The following GLIS3 variants were observed in gnomAD, a reference collection of about 807,000 sequenced individuals.
The protein encoded by GLIS3 is zinc finger protein GLIS3.
In GLIS3, 53 loss-of-function variants were observed where a neutral mutation model predicts 78.6. That is an observed-to-expected ratio of 0.67 (90% CI 0.54 to 0.85). The LOEUF is 0.85. GLIS3 is among the 40% of genes least tolerant of loss of function. The pLI, the probability that GLIS3 is intolerant of heterozygous loss-of-function variation, is 0.00. For synonymous variants in GLIS3, 684 were observed against 509.9 expected, an observed-to-expected ratio of 1.34 and a Z score of -4.60; for missense variants, 1,703 against 1,231.1, an observed-to-expected ratio of 1.38 and a Z score of -5.74.
chr9:4,416,301 T>C, the GLIS3 span, among the ~76,000 whole-genome samples: 1 of 146,704 alleles, frequency 6.8e-6, no homozygotes, highest in East Asian at 2.0e-4. Flanking sequence ...GATCTTAATA[T>C]TCAATGGAAA....
At chr9:4,067,764 TA>T (rs1004283475) in intron 4 of GLIS3, among the ~76,000 whole-genome samples, 55 of 150,052 alleles carry the variant, frequency 3.7e-4, no homozygotes, top group Middle Eastern at 3.4e-3. Context: ...AACAAATTAA[TA>T]ATATCTCATT....
intron 2 of GLIS3, among the ~76,000 whole-genome samples, chr9:4,228,949 A>C (rs1822016789): frequency 6.6e-6 from 1 of 152,094 alleles, no homozygotes; most frequent in South Asian, 2.1e-4. Context: ...GACATTAACA[A>C]CTCCTACATA....
chr9:3,987,934 T>C (rs912740272), intron 4 of GLIS3, among the ~76,000 whole-genome samples: 1 of 151,960 alleles, frequency 6.6e-6, no homozygotes, highest in African/African-American at 2.4e-5. Flanking sequence ...AGAAAAACGA[T>C]ACATGAACAT....
the GLIS3 span, among the ~76,000 whole-genome samples, chr9:4,367,711 C>A: frequency 2.7e-5 from 4 of 149,568 alleles, no homozygotes; most frequent in South Asian, 8.6e-4. Flanking sequence ...TCCTTATCCA[C>A]ACCTAACACA....
intron 6 of GLIS3, among the ~76,000 whole-genome samples, chr9:3,927,029 A>C (rs1825304140): frequency 6.6e-6 from 1 of 152,186 alleles, no homozygotes; most frequent in Non-Finnish European, 1.5e-5. Context: ...CCCTCTGTTA[A>C]CATCCGTATC....
chr9:4,373,709 C>T, the GLIS3 span, among the ~76,000 whole-genome samples: 961 of 150,572 alleles, frequency 6.4e-3, 17 homozygotes, highest in African/African-American at 0.022. Context: ...GCTCTTGTCG[C>T]CCAGGCTGTA....
intron 4 of GLIS3, among the ~76,000 whole-genome samples, chr9:3,974,264 T>A (rs1394329527): frequency 2.0e-5 from 3 of 152,118 alleles, no homozygotes; most frequent in Non-Finnish European, 4.4e-5. Context: ...ATCAACAAAT[T>A]CAGTGAATAC....
chr9:4,200,026 C>T (rs146764282), intron 2 of GLIS3, among the ~76,000 whole-genome samples: 5,044 of 152,204 alleles, frequency 0.033, 140 homozygotes, highest in Middle Eastern at 0.095. Flanking sequence ...CACACAATTA[C>T]ATGGAAATTA....
intron 4 of GLIS3, among the ~76,000 whole-genome samples, chr9:4,036,208 G>A (rs1360797215): frequency 2.0e-5 from 3 of 152,126 alleles, no homozygotes; most frequent in African/African-American, 4.8e-5. Flanking sequence ...GATGCACTGC[G>A]TTTTACATTT....
intron 2 of GLIS3, among the ~76,000 whole-genome samples, chr9:4,267,145 A>C (rs1188900664): frequency 2.0e-5 from 3 of 152,220 alleles, no homozygotes; most frequent in African/African-American, 7.2e-5. Context: ...CCACCCCCAC[A>C]CACACCCATG....
At chr9:4,021,529 C>T (rs1052411333) in intron 4 of GLIS3, among the ~76,000 whole-genome samples, 1 of 152,088 alleles carries the variant, frequency 6.6e-6, no homozygotes, top group African/African-American at 2.4e-5. Context: ...AACTTCAAGG[C>T]TTGGGTAAAT....
rs138005189 is a variant in GLIS3 at position 4,198,476 on chromosome 9, T to A, written c.389-72535A>T. Among the ~76,000 whole-genome samples the A allele has an allele frequency of 2.4e-3, 365 of 152,110 alleles. 1 individual carries two copies. The highest frequency in any genetic ancestry group is 8.1e-3 in the African/African-American group (338 of 41,488). On this transcript the variant is annotated intron_variant, in intron 2 of 10. Coordinates refer to ENST00000381971, the MANE Select transcript of GLIS3 (RefSeq NM_001042413.2). ...AGGAATTTCAGAGCTTAAAAACCAG[T>A]CTTTCAAACTAACCCCATCACACAA...
chr9:3,935,963 T>C (rs532724893), intron 5 of GLIS3, among the ~76,000 whole-genome samples: 10 of 152,208 alleles, frequency 6.6e-5, no homozygotes, highest in Non-Finnish European at 1.3e-4. Flanking sequence ...ATGACTTCTA[T>C]GAATATGACT....
intron 2 of GLIS3, among the ~76,000 whole-genome samples, chr9:4,267,909 A>G (rs996470998): frequency 7.2e-5 from 11 of 152,124 alleles, no homozygotes; most frequent in Non-Finnish European, 1.0e-4. Flanking sequence ...CCAGACATCC[A>G]TCCACGGATA....
intron 2 of GLIS3, among the ~76,000 whole-genome samples, chr9:4,211,264 G>A (rs1172718157): frequency 6.6e-6 from 1 of 152,138 alleles, no homozygotes; most frequent in African/African-American, 2.4e-5. Flanking sequence ...TAAGTTCAAG[G>A]TCCACTTGGC....
At chr9:4,268,806 T>A (rs760786973) in intron 2 of GLIS3, among the ~76,000 whole-genome samples, 1 of 152,054 alleles carries the variant, frequency 6.6e-6, no homozygotes, top group African/African-American at 2.4e-5. Flanking sequence ...CTGGGCAGCA[T>A]CTCCTCAGCT....
chr9:4,182,473 G>T (rs1817416497), intron 2 of GLIS3, among the ~76,000 whole-genome samples: 1 of 152,078 alleles, frequency 6.6e-6, no homozygotes, highest in Admixed American at 6.5e-5. Flanking sequence ...ACACTGTCGG[G>T]GATATTTTAT....
At chr9:4,294,894 G>A (rs568856630) in intron 1 of GLIS3, among the ~76,000 whole-genome samples, 60 of 152,226 alleles carry the variant, frequency 3.9e-4, no homozygotes, top group African/African-American at 1.4e-3. Flanking sequence ...TGGTGTAAGT[G>A]AAATATACAA....
At chr9:4,008,871 A>G (rs866743609) in intron 4 of GLIS3, among the ~76,000 whole-genome samples, 1 of 151,998 alleles carries the variant, frequency 6.6e-6, no homozygotes, top group South Asian at 2.1e-4. Context: ...AGTGAGGTGC[A>G]TAACACGGTT....
Sources: allele counts gnomAD v4.1 joint callset (sites outside exome capture counted in the v4.1 genomes callset), GRCh38; gene constraint gnomAD v4.1.1; transcripts MANE v1.5; gene names NCBI Gene and HGNC (gene_info 2026-07-23, HGNC 2026-07-21).